Variants in RFX2 observed in about 807,000 individuals in gnomAD.
RFX2 encodes regulatory factor X2.
Under a neutral mutation model 87.8 loss-of-function variants are expected in RFX2, and 20 were observed. The observed-to-expected ratio is 0.23, with a 90% CI of 0.16 to 0.33. The LOEUF (loss-of-function observed/expected upper bound fraction) is 0.33. Among genes scored for constraint, RFX2 ranks in the 10% least tolerant of loss-of-function variants. The pLI is 1.00. For missense variants in RFX2, 767 were observed against 1,012.3 expected (o/e 0.76, Z 3.29); for synonymous variants, 397 against 431.3 (o/e 0.92, Z 0.98).
rs928323227 is a variant in RFX2 at position 6,012,574 on chromosome 19, G to C, written c.899+412C>G. Among the ~76,000 whole-genome samples the C allele has an allele frequency of 2.0e-5, 3 of 152,092 alleles. No individual in the cohort carries two copies. The highest frequency in any genetic ancestry group is 7.2e-5 in the African/African-American group (3 of 41,398). On this transcript the variant is annotated intron_variant, in intron 8 of 17. Transcript: ENST00000303657. The surrounding 1 kb of genome is among the most constrained non-coding windows in gnomAD (Gnocchi z 4.6). ...CCCTGATGTTGACTGTGGACTCTGGGGGGTGATGCTGGCTCCGCGGAGGGT... is the reference window on the plus strand; with the variant it reads ...CCCTGATGTTGACTGTGGACTCTGGCGGGTGATGCTGGCTCCGCGGAGGGT...
intron 1 of RFX2, among the ~76,000 whole-genome samples, chr19:6,075,947 G>A (rs117484287): frequency 0.017 from 2,584 of 152,338 alleles, 25 homozygotes; most frequent in Middle Eastern, 0.051. Flanking sequence ...ATCTGGCATA[G>A]GGGACAGAGG....
At chr19:6,106,867 T>A (rs1052025776) in intron 1 of RFX2, among the ~76,000 whole-genome samples, 5 of 148,216 alleles carry the variant, frequency 3.4e-5, no homozygotes, top group African/African-American at 1.2e-4. Context: ...GTTTTAATAT[T>A]TCAATATATA....
rs1482456269 is a variant in RFX2, at chr19:6,002,879, C to T, written c.1501-9G>A. ...GCACTGACGACGCCCACCTGTAAGC[C>T]AGGGCTCGTGGTGAGCAGGGGTTCG... On this transcript the variant is annotated splice_polypyrimidine_tract_variant and intron_variant, in intron 13 of 17. Transcript: ENST00000303657. The surrounding 1 kb of genome is among the most constrained non-coding windows in gnomAD (Gnocchi z 6.7). The T allele has an allele frequency of 1.9e-6, 3 of 1,600,792 alleles. No homozygotes were observed. The highest frequency in any genetic ancestry group is 1.7e-4 in the Middle Eastern group (1 of 5,760).
At chr19:6,072,859 G>C in intron 1 of RFX2, 1 of 1,309,328 alleles carries the variant, frequency 7.6e-7, no homozygotes, top group Non-Finnish European at 1.1e-6. Flanking sequence ...GCCCAAGATC[G>C]TCAAAAAGAG....
At position 6,073,337 on chromosome 19, in the gene RFX2, C is replaced by T. The variant is rs140637032; in HGVS notation, c.-8-25833G>A. The T allele has an allele frequency of 3.8e-4, 517 of 1,376,700 alleles. 1 individual carries two copies. In the African/African-American group the frequency reaches 6.1e-3, roughly 16 times the overall value. The allele number at this position is 1,376,700 out of a possible 1,614,324, so 85.3% of individuals were successfully genotyped here. A position where few individuals can be genotyped will look rare whatever the true frequency, so the allele number is the denominator to read the frequency against. On this transcript the variant is annotated intron_variant, in intron 1 of 17. Transcript: ENST00000303657. ...GGAGCAACAAAAAACAAAGCACATG[C>T]TGCCCAGTGGCTTCCGGAAGTTCCT...
rs549800956 is a variant in RFX2, at chr19:6,012,434, G to A, written c.899+552C>T. Among the ~76,000 whole-genome samples, 60 of 152,330 alleles carry A rather than the reference G, an allele frequency of 3.9e-4. No homozygotes were observed. In the South Asian group the frequency reaches 0.012, roughly 31 times the overall value. On this transcript the variant is annotated intron_variant, in intron 8 of 17. Coordinates refer to ENST00000303657, the MANE Select transcript of RFX2 (RefSeq NM_000635.4). This position sits in a 1 kb window ranked among gnomAD's most constrained non-coding sequence, Gnocchi z 4.6. ...TGGGGTGGGGAGGGAAAGCTGGGTA[G>A]GCAGAACATGGAGGATGTGTAGGAC... is the stretch of plus-strand genomic sequence containing the variant.
rs1412963118 is a variant in RFX2 at position 6,007,656 on chromosome 19, G to T, written c.1247+34C>A. 9 of 1,294,494 alleles carry T rather than the reference G, an allele frequency of 7.0e-6. No homozygotes were observed. Among genetic ancestry groups the T allele is most frequent in the Non-Finnish European group, 7.7e-6 (7 of 912,498 alleles). The allele number at this position is 1,294,494 out of a possible 1,614,324, so 80.2% of individuals were successfully genotyped here. On this transcript the variant is annotated intron_variant, in intron 11 of 17. Transcript: ENST00000303657. This position sits in a 1 kb window ranked among gnomAD's most constrained non-coding sequence, Gnocchi z 8.2. Reference sequence around the variant, plus strand: ...ACGTCAGCAGGGGGTTAAGTCTGGGGTGGCTGTGAACCCAGCCAGGGTGTG... The same window carrying T: ...ACGTCAGCAGGGGGTTAAGTCTGGGTTGGCTGTGAACCCAGCCAGGGTGTG...
In RFX2 at chr19:6,039,860, G is replaced by T; in HGVS notation, c.522+120C>A. ...CCCGACTCCATCGTGGGGCCGCCTG[G>T]GCCCAGAGCAGACGACAGCCCCTCC... is the stretch of plus-strand genomic sequence containing the variant. On this transcript the variant is annotated intron_variant, in intron 5 of 17. Coordinates refer to ENST00000303657, the MANE Select transcript of RFX2 (RefSeq NM_000635.4). This position sits in a 1 kb window ranked among gnomAD's most constrained non-coding sequence, Gnocchi z 5.2. 1.6e-6 allele frequency: 2 copies of T among 1,233,842 alleles called. No homozygotes were observed. The highest frequency in any genetic ancestry group is 2.2e-6 in the Non-Finnish European group (2 of 917,902). The allele number at this position is 1,233,842 out of a possible 1,614,324, so 76.4% of individuals were successfully genotyped here.
Position 6,047,258 on chromosome 19 carries a change from T to C in RFX2, c.90+149A>G. 3 of 600,472 alleles carry C rather than the reference T, an allele frequency of 5.0e-6. No homozygotes were observed. The highest frequency in any genetic ancestry group is 4.8e-5 in the South Asian group (2 of 41,542). The allele number at this position is 600,472 out of a possible 1,614,324, so 37.2% of individuals were successfully genotyped here. A position where few individuals can be genotyped will look rare whatever the true frequency, so the allele number is the denominator to read the frequency against. On this transcript the variant is annotated intron_variant, in intron 2 of 17. Coordinates refer to ENST00000303657, the MANE Select transcript of RFX2 (RefSeq NM_000635.4). The surrounding 1 kb of genome is among the most constrained non-coding windows in gnomAD (Gnocchi z 4.2). The stretch of plus-strand genomic sequence containing the variant: ...AAGCCAAATACAGTTAAGGAAATTG[T>C]GCCTATTTCAACAGCAGCAGCACTG...
At chr19:6,054,337 C>T (rs921150948) in intron 1 of RFX2, among the ~76,000 whole-genome samples, 4 of 152,076 alleles carry the variant, frequency 2.6e-5, no homozygotes, top group African/African-American at 7.2e-5. Flanking sequence ...GGAATTATTA[C>T]ACAAATGCCA....
At position 6,027,519 on chromosome 19, in the gene RFX2, G is replaced by C. The variant is rs1227873539; in HGVS notation, c.523-1282C>G. Among the ~76,000 whole-genome samples, 2 of 152,220 alleles carry C rather than the reference G, an allele frequency of 1.3e-5. No homozygotes were observed. The highest frequency in any genetic ancestry group is 2.9e-5 in the Non-Finnish European group (2 of 68,038). The stretch of plus-strand genomic sequence containing the variant: ...ATCTGCAGCTTGGGCAGCCACGTGA[G>C]TACTGCCCTGTGGCACCTTCCCTGT... On this transcript the variant is annotated intron_variant, in intron 5 of 17. Coordinates refer to ENST00000303657, the MANE Select transcript of RFX2 (RefSeq NM_000635.4). This position sits in a 1 kb window ranked among gnomAD's most constrained non-coding sequence, Gnocchi z 5.0.
In RFX2 at chr19:6,056,033, C is replaced by T. The variant is rs913386572; in HGVS notation, c.-8-8529G>A. ...TAATAGTGGGTGGGGGGGCAGGTGG[C>T]GGTGGGCGAGAGTGACTGGAAAGGG... is the stretch of plus-strand genomic sequence containing the variant. On this transcript the variant is annotated intron_variant, in intron 1 of 17. Transcript: ENST00000303657. The surrounding 1 kb of genome is among the most constrained non-coding windows in gnomAD (Gnocchi z 4.6). Among the ~76,000 whole-genome samples, 4 of 151,222 alleles carry T rather than the reference C, an allele frequency of 2.6e-5. No individual in the cohort carries two copies. The highest frequency in any genetic ancestry group is 6.6e-5 in the Admixed American group (1 of 15,180).
chr19:6,052,858 T>G (rs1446808181), intron 1 of RFX2, among the ~76,000 whole-genome samples: 2 of 152,058 alleles, frequency 1.3e-5, no homozygotes, highest in African/African-American at 4.8e-5. Flanking sequence ...ATGTAAACAC[T>G]TTGTATCAAA....
chr19:6,018,037 G>T (rs977119537), intron 6 of RFX2, among the ~76,000 whole-genome samples: 2 of 151,892 alleles, frequency 1.3e-5, no homozygotes, highest in Non-Finnish European at 2.9e-5. Context: ...GTGCAGTGGC[G>T]CAATCTTGGC....
intron 1 of RFX2, among the ~76,000 whole-genome samples, chr19:6,085,911 G>A (rs1489924278): frequency 6.6e-6 from 1 of 152,078 alleles, no homozygotes; most frequent in Non-Finnish European, 1.5e-5. Context: ...GGGCAACATA[G>A]TGAGACCTCG....
chr19:6,040,341 C>G lies in RFX2; in HGVS notation c.261-100G>C. The G allele has an allele frequency of 1.6e-6, 2 of 1,259,740 alleles. No individual in the cohort carries two copies. Among genetic ancestry groups the G allele is most frequent in the Non-Finnish European group, 2.2e-6 (2 of 925,762 alleles). 78.0% of individuals were successfully genotyped at this position (1,259,740 alleles called of 1,614,324 possible). On this transcript the variant is annotated intron_variant, in intron 4 of 17. Coordinates refer to ENST00000303657, the MANE Select transcript of RFX2 (RefSeq NM_000635.4). This position sits in a 1 kb window ranked among gnomAD's most constrained non-coding sequence, Gnocchi z 6.1. ...CCAAACATCACGTAAAAGCTGCAAC[C>G]CAGAGAGGCCAGACATATGGAGCAA...
chr19:6,002,083 C>T lies in RFX2; in HGVS notation c.1651-60G>A, dbSNP rs2086497153. On this transcript the variant is annotated intron_variant, in intron 14 of 17. Coordinates refer to ENST00000303657, the MANE Select transcript of RFX2 (RefSeq NM_000635.4). This position sits in a 1 kb window ranked among gnomAD's most constrained non-coding sequence, Gnocchi z 6.7. Reference sequence around the variant, plus strand: ...GGACCCCCAGCCACGGCAGCCCTCCCTGGACCTAGCCATGCTCAGGGCGGG... The same window carrying T: ...GGACCCCCAGCCACGGCAGCCCTCCTTGGACCTAGCCATGCTCAGGGCGGG... 1 of 1,440,716 alleles carries T rather than the reference C, an allele frequency of 6.9e-7. No homozygotes were observed. Among genetic ancestry groups the T allele is most frequent in the Non-Finnish European group, 9.4e-7 (1 of 1,066,204 alleles). 89.2% of individuals were successfully genotyped at this position (1,440,716 alleles called of 1,614,324 possible). A position where few individuals can be genotyped will look rare whatever the true frequency, so the allele number is the denominator to read the frequency against.
At position 6,061,906 on chromosome 19, in the gene RFX2, C is replaced by T. The variant is rs2087438807; in HGVS notation, c.-8-14402G>A. 6.6e-6 allele frequency among the ~76,000 whole-genome samples: 1 copy of T among 152,116 alleles called. No homozygotes were observed. The highest frequency in any genetic ancestry group is 6.5e-5 in the Admixed American group (1 of 15,270). ...CCTGATCAATGAAATATGTCCTAGG[C>T]AGGGGCGGGAGGATCCATTGAACCC... is the stretch of plus-strand genomic sequence containing the variant. On this transcript the variant is annotated intron_variant, in intron 1 of 17. Coordinates refer to ENST00000303657, the MANE Select transcript of RFX2 (RefSeq NM_000635.4). This position sits in a 1 kb window ranked among gnomAD's most constrained non-coding sequence, Gnocchi z 5.2.
chr19:6,072,976 C>G (rs768908494), intron 1 of RFX2: 1 of 635,408 alleles, frequency 1.6e-6, no homozygotes, highest in Non-Finnish European at 2.8e-6. Flanking sequence ...GTTCAAGGAC[C>G]AGATATTTTT....
Sources: gnomAD v4.1 joint callset for allele counts (sites outside exome capture counted in the v4.1 genomes callset) on GRCh38, gnomAD v4.1.1 for gene constraint, Gnocchi (gnomAD v3.1) non-coding constraint, MANE v1.5 for transcripts, NCBI Gene and HGNC (gene_info 2026-07-23, HGNC 2026-07-21) for gene names.